The following CDH13 variants were observed in gnomAD, a reference collection of about 807,000 sequenced individuals.
CDH13 encodes the protein cadherin 13, also known as cadherin-13.
Under a neutral mutation model 63.8 loss-of-function variants are expected in CDH13, and 24 were observed. That is an observed-to-expected ratio of 0.38 (90% CI 0.27 to 0.53). The LOEUF (loss-of-function observed/expected upper bound fraction) is 0.53, where lower values mean the gene tolerates loss of function less well. Ranked by LOEUF, CDH13 falls within the 20% of genes least tolerant of loss-of-function variation. The pLI is 0.85. For missense variants in CDH13, 1,049 were observed against 903.1 expected, an observed-to-expected ratio of 1.16 and a Z score of -2.07; for synonymous variants, 503 against 355.3, an observed-to-expected ratio of 1.42 and a Z score of -4.67.
chr16:82,924,100 G>A (rs907344968), intron 2 of CDH13, among the ~76,000 whole-genome samples: 3 of 152,078 alleles, frequency 2.0e-5, no homozygotes, highest in Admixed American at 6.6e-5. Flanking sequence ...TTAAATAACT[G>A]GTATATAACT....
chr16:83,251,184 G>A (rs945843659), intron 5 of CDH13, among the ~76,000 whole-genome samples: 43 of 152,144 alleles, frequency 2.8e-4, no homozygotes, highest in African/African-American at 1.0e-3. Context: ...GCCATTGGGG[G>A]AAAATGGGTA....
At chr16:83,659,374 C>T (rs546753599) in intron 8 of CDH13, among the ~76,000 whole-genome samples, 7 of 151,646 alleles carry the variant, frequency 4.6e-5, no homozygotes, top group African/African-American at 1.5e-4. Context: ...CCCATGTCCT[C>T]ACCACCAGGT....
chr16:83,750,779 C>A (rs759063615), intron 11 of CDH13, among the ~76,000 whole-genome samples: 1 of 152,136 alleles, frequency 6.6e-6, no homozygotes, highest in Non-Finnish European at 1.5e-5. Flanking sequence ...TCAGCAGGAA[C>A]CAAACCTGCA....
At chr16:83,202,106 G>T (rs1409945289) in intron 4 of CDH13, among the ~76,000 whole-genome samples, 1 of 152,060 alleles carries the variant, frequency 6.6e-6, no homozygotes, top group African/African-American at 2.4e-5. Context: ...GAAAATGGCG[G>T]ACTCGACTTT....
intron 4 of CDH13, among the ~76,000 whole-genome samples, chr16:83,147,956 T>C (rs1450972406): frequency 6.6e-6 from 1 of 152,158 alleles, no homozygotes; most frequent in East Asian, 1.9e-4. Context: ...GTTTTTGAGA[T>C]GGAGTCTCAC....
At chr16:83,213,645 G>A (rs960290722) in intron 4 of CDH13, among the ~76,000 whole-genome samples, 12 of 152,140 alleles carry the variant, frequency 7.9e-5, no homozygotes, top group African/African-American at 2.7e-4. Context: ...AGAATGCATT[G>A]TATGTTAATA....
intron 3 of CDH13, among the ~76,000 whole-genome samples, chr16:83,108,162 G>T (rs548232995): frequency 1.5e-4 from 23 of 152,068 alleles, no homozygotes; most frequent in African/African-American, 5.1e-4. Context: ...TCATTCCCCG[G>T]GTATGTAGTT....
At chr16:83,543,276 G>A (rs1171959641) in intron 7 of CDH13, among the ~76,000 whole-genome samples, 1 of 152,206 alleles carries the variant, frequency 6.6e-6, no homozygotes, top group African/African-American at 2.4e-5. Context: ...AGTGAACATA[G>A]CTGTCACTCC....
At chr16:83,061,761 C>T (rs374637457) in intron 3 of CDH13, among the ~76,000 whole-genome samples, 2 of 152,154 alleles carry the variant, frequency 1.3e-5, no homozygotes, top group Non-Finnish European at 1.5e-5. Flanking sequence ...AATAAAGAAG[C>T]CTCACCCCAG....
intron 7 of CDH13, among the ~76,000 whole-genome samples, chr16:83,539,960 T>C (rs999815090): frequency 6.6e-6 from 1 of 152,224 alleles, no homozygotes; most frequent in Non-Finnish European, 1.5e-5. Flanking sequence ...TGGAACTCAT[T>C]CTTTGACTTT....
chr16:83,723,803 A>G (rs1021903679), intron 10 of CDH13, among the ~76,000 whole-genome samples: 1 of 122,006 alleles, frequency 8.2e-6, no homozygotes, highest in Admixed American at 7.8e-5. Flanking sequence ...TGTCTGACAT[A>G]TAATAGCTAC....
chr16:82,878,027 G>C (rs1426366417), intron 2 of CDH13, among the ~76,000 whole-genome samples: 1 of 151,368 alleles, frequency 6.6e-6, no homozygotes, highest in Non-Finnish European at 1.5e-5. Context: ...TCGAAAGTAA[G>C]ATATAGTAAA....
intron 1 of CDH13, among the ~76,000 whole-genome samples, chr16:82,765,732 G>T (rs556948940): frequency 1.7e-4 from 26 of 152,300 alleles, no homozygotes; most frequent in African/African-American, 6.0e-4. Context: ...GTATTTCACA[G>T]TCTAACTCTC....
intron 10 of CDH13, among the ~76,000 whole-genome samples, chr16:83,741,416 C>G (rs957736365): frequency 6.6e-6 from 1 of 151,990 alleles, no homozygotes; most frequent in Non-Finnish European, 1.5e-5. Context: ...CCCTGTATCT[C>G]CTCTCCTTTC....
chr16:83,328,134 A>G (rs2090406203), intron 5 of CDH13, among the ~76,000 whole-genome samples: 1 of 82,850 alleles, frequency 1.2e-5, no homozygotes, highest in African/African-American at 3.8e-5. Context: ...AAAAAAAAAA[A>G]AAAAGAAAAA....
intron 6 of CDH13, among the ~76,000 whole-genome samples, chr16:83,414,181 G>A (rs949245730): frequency 2.0e-5 from 3 of 151,954 alleles, no homozygotes; most frequent in African/African-American, 7.3e-5. Context: ...TTTCTTATTT[G>A]GTTGGAATTT....
chr16:82,966,965 A>T (rs908967174), intron 2 of CDH13, among the ~76,000 whole-genome samples: 2 of 152,210 alleles, frequency 1.3e-5, no homozygotes, highest in African/African-American at 4.8e-5. Flanking sequence ...TGCAAAAGAA[A>T]ATATTTTGGC....
chr16:82,733,656 C>A (rs970971738), intron 1 of CDH13, among the ~76,000 whole-genome samples: 10 of 152,150 alleles, frequency 6.6e-5, no homozygotes, highest in African/African-American at 2.2e-4. Flanking sequence ...AGGTCACAGA[C>A]CCAACAGGTG....
At chr16:82,896,276 A>T (rs1348526260) in intron 2 of CDH13, among the ~76,000 whole-genome samples, 32 of 87,866 alleles carry the variant, frequency 3.6e-4, no homozygotes, top group South Asian at 8.8e-4. Context: ...TAGGATTAGG[A>T]TTTTTTTTTT....
Sources: allele counts gnomAD v4.1 joint callset (sites outside exome capture counted in the v4.1 genomes callset), GRCh38; gene constraint gnomAD v4.1.1; transcripts MANE v1.5; gene names NCBI Gene and HGNC (gene_info 2026-07-23, HGNC 2026-07-21).